Variants in DOK5 observed in about 807,000 individuals in gnomAD.
DOK5 encodes the protein docking protein 5.
In DOK5, 27 loss-of-function variants were observed where a neutral mutation model predicts 43.3. The observed-to-expected ratio is 0.62, with a 90% CI of 0.46 to 0.86. The LOEUF (loss-of-function observed/expected upper bound fraction) is 0.86. DOK5 is among the 40% of genes least tolerant of loss of function. The pLI is 0.00. For missense variants in DOK5, 373 were observed against 392.9 expected (o/e 0.95, Z 0.43); for synonymous variants, 146 against 140.1 (o/e 1.04, Z -0.30).
chr20:54,561,076 C>T lies in DOK5; in HGVS notation c.174+6036C>T, dbSNP rs118184628. Among the ~76,000 whole-genome samples the T allele has an allele frequency of 1.0e-3, 157 of 152,288 alleles. 7 individuals carry two copies. In the East Asian group the frequency reaches 0.029, roughly 28 times the overall value. On this transcript the variant is annotated intron_variant, in intron 2 of 7. Transcript: ENST00000262593. Reference sequence around the variant, plus strand: ...TCACCAGGTTTGCATGCAGCACTCCCGCTGTATAGACCCCTTTTCTTTCGT... The same window carrying T: ...TCACCAGGTTTGCATGCAGCACTCCTGCTGTATAGACCCCTTTTCTTTCGT...
chr20:54,646,670 T>TA (rs963349951), intron 7 of DOK5, among the ~76,000 whole-genome samples: 3 of 152,120 alleles, frequency 2.0e-5, no homozygotes, highest in Non-Finnish European at 4.4e-5. Context: ...CAAGTACATT[T>TA]AAAAAAAAAG....
chr20:54,558,381 T>A (rs558492611), intron 2 of DOK5, among the ~76,000 whole-genome samples: 9 of 152,322 alleles, frequency 5.9e-5, no homozygotes, highest in African/African-American at 1.9e-4. Flanking sequence ...TCACCTATAA[T>A]AATCATTAAC....
chr20:54,571,882 G>A (rs143816111), intron 2 of DOK5, among the ~76,000 whole-genome samples: 69 of 152,096 alleles, frequency 4.5e-4, no homozygotes, highest in African/African-American at 4.3e-4. Flanking sequence ...TCTTCCCTAC[G>A]TTTTCATCAT....
At position 54,643,334 on chromosome 20, in the gene DOK5, T is replaced by C. The variant is rs188443351; in HGVS notation, c.736-124T>C. 4.1e-4 allele frequency: 536 copies of C among 1,309,302 alleles called. 3 individuals are homozygous for C. In the African/African-American group the frequency reaches 7.3e-3, roughly 18 times the overall value. The allele number at this position is 1,309,302 out of a possible 1,614,324, so 81.1% of individuals were successfully genotyped here. A position where few individuals can be genotyped will look rare whatever the true frequency, so the allele number is the denominator to read the frequency against. On this transcript the variant is annotated intron_variant, in intron 6 of 7. Coordinates refer to ENST00000262593, the MANE Select transcript of DOK5 (RefSeq NM_018431.5). ...CACCATGCCCACCACCTTCAATCGATGTTCATTGATTTGCAGCCTGGCCAG... is the reference window on the plus strand; with the variant it reads ...CACCATGCCCACCACCTTCAATCGACGTTCATTGATTTGCAGCCTGGCCAG...
intron 6 of DOK5, among the ~76,000 whole-genome samples, chr20:54,615,752 A>G (rs1340875097): frequency 2.0e-5 from 3 of 152,202 alleles, no homozygotes; most frequent in Non-Finnish European, 2.9e-5. Context: ...TCTACTAAAA[A>G]TACAAAAATT....
At chr20:54,633,198 G>A (rs1264029137) in intron 6 of DOK5, among the ~76,000 whole-genome samples, 2 of 152,178 alleles carry the variant, frequency 1.3e-5, no homozygotes, top group African/African-American at 2.4e-5. Context: ...TCTGCTTGCC[G>A]TTGGATAGCT....
intron 5 of DOK5, among the ~76,000 whole-genome samples, chr20:54,599,505 C>T (rs1312351172): frequency 1.3e-5 from 2 of 152,108 alleles, no homozygotes; most frequent in African/African-American, 2.4e-5. Flanking sequence ...TACTGTCTAC[C>T]ACACAGTGTG....
intron 5 of DOK5, among the ~76,000 whole-genome samples, chr20:54,608,474 AG>A (rs1986539772): frequency 1.3e-5 from 2 of 152,210 alleles, no homozygotes; most frequent in South Asian, 2.1e-4. Flanking sequence ...GGAAGTAGAA[AG>A]GGTTTAAGTA....
At chr20:54,587,860 A>G (rs1985857469) in intron 2 of DOK5, among the ~76,000 whole-genome samples, 1 of 152,198 alleles carries the variant, frequency 6.6e-6, no homozygotes, top group Non-Finnish European at 1.5e-5. Context: ...GCTAGGAGTA[A>G]GTTAGAGACA....
intron 1 of DOK5, among the ~76,000 whole-genome samples, chr20:54,483,096 G>A (rs1291381500): frequency 6.6e-6 from 1 of 152,150 alleles, no homozygotes; most frequent in East Asian, 1.9e-4. Context: ...TGTCCATGTG[G>A]ATGAGACGAT....
In DOK5 at chr20:54,562,083, G is replaced by A. The variant is rs79108269; in HGVS notation, c.174+7043G>A. Among the ~76,000 whole-genome samples, 629 of 152,352 alleles carry A rather than the reference G, an allele frequency of 4.1e-3. 1 individual carries two copies. The highest frequency in any genetic ancestry group is 0.015 in the African/African-American group (609 of 41,572). On this transcript the variant is annotated intron_variant, in intron 2 of 7. Transcript: ENST00000262593. ...AGGGAATTCTGTTATTCACAGCCAG[G>A]AGTATCCTGACATGGTCACTGTCCG... is the stretch of plus-strand genomic sequence containing the variant.
intron 6 of DOK5, among the ~76,000 whole-genome samples, chr20:54,630,247 G>A (rs561867659): frequency 6.6e-6 from 1 of 152,280 alleles, no homozygotes; most frequent in East Asian, 1.9e-4. Flanking sequence ...TGGATCCTGG[G>A]TATATTTTTG....
intron 2 of DOK5, among the ~76,000 whole-genome samples, chr20:54,578,258 T>C (rs1374873049): frequency 1.3e-5 from 2 of 152,200 alleles, no homozygotes; most frequent in Non-Finnish European, 2.9e-5. Flanking sequence ...TAAGCTGGGA[T>C]TTTGAAATTT....
At chr20:54,581,715 C>T (rs1985648768) in intron 2 of DOK5, among the ~76,000 whole-genome samples, 1 of 151,780 alleles carries the variant, frequency 6.6e-6, no homozygotes, top group African/African-American at 2.4e-5. Context: ...AGAAATACAA[C>T]TGATTTTTTA....
intron 1 of DOK5, among the ~76,000 whole-genome samples, chr20:54,512,378 G>C (rs1983042732): frequency 6.6e-6 from 1 of 152,182 alleles, no homozygotes; most frequent in Admixed American, 6.5e-5. Context: ...CATTTATGAT[G>C]ATTAGCAGGA....
At chr20:54,523,377 A>C (rs1281311032) in intron 1 of DOK5, among the ~76,000 whole-genome samples, 1 of 151,862 alleles carries the variant, frequency 6.6e-6, no homozygotes, top group African/African-American at 2.4e-5. Context: ...GACCAGCCTG[A>C]CCAACATGGT....
At chr20:54,481,094 T>TATC (rs1568746481) in intron 1 of DOK5, among the ~76,000 whole-genome samples, 5 of 118,074 alleles carry the variant, frequency 4.2e-5, no homozygotes, top group Non-Finnish European at 7.2e-5. Context: ...ATCTACCATC[T>TATC]ATCTATCTAT....
chr20:54,627,600 G>A (rs1209028716), intron 6 of DOK5, among the ~76,000 whole-genome samples: 4 of 152,182 alleles, frequency 2.6e-5, no homozygotes, highest in Non-Finnish European at 5.9e-5. Flanking sequence ...TAGGGTCTGA[G>A]GGTAAATGTG....
intron 6 of DOK5, among the ~76,000 whole-genome samples, chr20:54,642,377 A>G (rs1399391263): frequency 6.6e-6 from 1 of 151,898 alleles, no homozygotes. Flanking sequence ...TTTCTTTCTG[A>G]TGCCAGAACA....
Sources: gnomAD v4.1 joint callset for allele counts (sites outside exome capture counted in the v4.1 genomes callset) on GRCh38, gnomAD v4.1.1 for gene constraint, MANE v1.5 for transcripts, NCBI Gene and HGNC (gene_info 2026-07-23, HGNC 2026-07-21) for gene names.